CNDP1: variants seen among roughly 807,000 people sequenced by gnomAD.
CNDP1 encodes the protein carnosine dipeptidase 1.
In CNDP1, 44 loss-of-function variants were observed where a neutral mutation model predicts 58.1. The observed-to-expected ratio is 0.76, with a 90% CI of 0.60 to 0.97. CNDP1 has a LOEUF of 0.97. Ranked by LOEUF, CNDP1 falls within the 50% of genes least tolerant of loss-of-function variation. The pLI, the probability that CNDP1 is intolerant of heterozygous loss-of-function variation, is 0.00. For missense variants in CNDP1, 616 were observed against 655.1 expected, an observed-to-expected ratio of 0.94 and a Z score of 0.65; for synonymous variants, 254 against 252.6, an observed-to-expected ratio of 1.01 and a Z score of -0.05.
At chr18:74,562,580 C>T (rs1339738290) in intron 5 of CNDP1, among the ~76,000 whole-genome samples, 1 of 152,144 alleles carries the variant, frequency 6.6e-6, no homozygotes. Context: ...AATGTATCAG[C>T]TACTTTGCAA....
intron 1 of CNDP1, 126 bp downstream of exon 1, chr18:74,534,817 C>T (rs1269856576): frequency 1.0e-6 from 1 of 978,384 alleles, no homozygotes; most frequent in Non-Finnish European, 1.6e-6. Context: ...TGCTGCTCCT[C>T]ATGGTGTTCT....
intron 5 of CNDP1, among the ~76,000 whole-genome samples, chr18:74,563,708 A>G (rs1008838790): frequency 6.6e-6 from 1 of 152,040 alleles, no homozygotes; most frequent in African/African-American, 2.4e-5. Flanking sequence ...TGCCTTGCCT[A>G]CAGAGCTCTT....
chr18:74,553,244 G>C (rs1980954610), intron 1 of CNDP1, among the ~76,000 whole-genome samples: 1 of 152,052 alleles, frequency 6.6e-6, no homozygotes, highest in Non-Finnish European at 1.5e-5. Flanking sequence ...TCATTTTCTT[G>C]ATGGTGTTCT....
chr18:74,586,600 T>A lies in CNDP1; in HGVS notation c.*2038T>A, dbSNP rs1033585867. ...GACCAGCAGTGTCTCAATTATTACG[T>A]TGCTGCCAGGAGAGAAGGGGAGGAG... is the stretch of plus-strand genomic sequence containing the variant. On this transcript the variant is annotated 3_prime_UTR_variant, in exon 12 of 12. Transcript: ENST00000358821. 3 of 152,220 alleles carry A rather than the reference T, an allele frequency of 2.0e-5. No homozygotes were observed. The highest frequency in any genetic ancestry group is 2.9e-5 in the Non-Finnish European group (2 of 68,030). 9.4% of individuals were successfully genotyped at this position (152,220 alleles called of 1,614,324 possible).
chr18:74,549,466 G>A (rs1980842855), intron 1 of CNDP1, among the ~76,000 whole-genome samples: 1 of 151,788 alleles, frequency 6.6e-6, no homozygotes, highest in Non-Finnish European at 1.5e-5. Context: ...CTCAAAGAGT[G>A]AGTTTATATA....
intron 1 of CNDP1, among the ~76,000 whole-genome samples, chr18:74,555,980 A>G (rs733686): frequency 0.64 from 97,181 of 151,608 alleles, 31,991 homozygotes; most frequent in East Asian, 0.75. Context: ...TTTTGGTTCT[A>G]CCTTACTCTT....
rs1238453996 is a variant in CNDP1 at position 74,583,465 on chromosome 18, AAG to A, written c.1310-89_1310-88del. The A allele has an allele frequency of 4.1e-6, 4 of 981,420 alleles. No homozygotes were observed. In the African/African-American group the frequency reaches 4.8e-5, roughly 12 times the overall value. 60.8% of individuals were successfully genotyped at this position (981,420 alleles called of 1,614,324 possible). A position where few individuals can be genotyped will look rare whatever the true frequency, so the allele number is the denominator to read the frequency against. On this transcript the variant is annotated intron_variant, in intron 10 of 11. Transcript: ENST00000358821. ...AAAAAAAGAAAGATTAACAAGGAAA[AAG>A]AGAGAGGAAGGTAAAGGAGGCACTG...
intron 4 of CNDP1, among the ~76,000 whole-genome samples, chr18:74,561,781 C>T (rs1238082463): frequency 1.3e-5 from 2 of 152,152 alleles, no homozygotes; most frequent in Admixed American, 1.3e-4. Flanking sequence ...TTATTAAGGA[C>T]AATGGGATCT....
At chr18:74,569,386 T>A (rs1981412803) in intron 6 of CNDP1, among the ~76,000 whole-genome samples, 1 of 152,132 alleles carries the variant, frequency 6.6e-6, no homozygotes, top group African/African-American at 2.4e-5. Flanking sequence ...ATATGGCGTA[T>A]ATAGGAGAAA....
intron 1 of CNDP1, among the ~76,000 whole-genome samples, chr18:74,547,055 GC>G (rs1377552201): frequency 1.3e-5 from 2 of 152,188 alleles, no homozygotes; most frequent in Non-Finnish European, 1.5e-5. Context: ...GGGACTTGCC[GC>G]CACAGTGAGT....
intron 5 of CNDP1, 105 bp from the exon 6 acceptor site, chr18:74,567,128 A>C: frequency 2.0e-5 from 18 of 883,134 alleles, no homozygotes; most frequent in Non-Finnish European, 2.2e-5. Flanking sequence ...TCCCTCCACA[A>C]CACGTGGGAA....
Position 74,584,538 on chromosome 18 carries a change from C to G in CNDP1, c.1500C>G (p.Phe500Leu). The change falls in exon 12 of 12, where the codon TTC becomes TTG. Residue 500 changes from phenylalanine (F) to leucine (L), a missense_variant. By Grantham distance (22) the Phe-to-Leu change is conservative. Transcript: ENST00000358821. ...IEGTKLFAAFFLEMAQLH is the reference protein window; with the variant it reads ...IEGTKLFAAFLLEMAQLH ...GAACCAAATTATTTGCTGCCTTTTT[C>G]TTAGAGATGGCCCAGCTCCATTAAT... 1 of 1,613,812 alleles carries G rather than the reference C, an allele frequency of 6.2e-7. No individual in the cohort carries two copies. Among genetic ancestry groups the G allele is most frequent in the South Asian group, 1.1e-5 (1 of 91,068 alleles).
chr18:74,575,993 C>T (rs1263052528), intron 7 of CNDP1, among the ~76,000 whole-genome samples: 1 of 151,778 alleles, frequency 6.6e-6, no homozygotes, highest in Non-Finnish European at 1.5e-5. Flanking sequence ...CCTCAGCCTC[C>T]CCAGTAGCTG....
chr18:74,541,163 C>T (rs932733465), intron 1 of CNDP1, among the ~76,000 whole-genome samples: 3 of 152,198 alleles, frequency 2.0e-5, no homozygotes, highest in African/African-American at 7.2e-5. Context: ...AGCCATCACC[C>T]GCTGGGGGCT....
chr18:74,539,146 T>C (rs924221642), intron 1 of CNDP1, among the ~76,000 whole-genome samples: 1 of 149,552 alleles, frequency 6.7e-6, no homozygotes, highest in East Asian at 2.0e-4. Flanking sequence ...CTGCAAACAC[T>C]GTCTTCCTAC....
In CNDP1 at chr18:74,562,041, T is replaced by C; in HGVS notation, c.467-6T>C. 2 of 1,613,638 alleles carry C rather than the reference T, an allele frequency of 1.2e-6. No homozygotes were observed. Among genetic ancestry groups the C allele is most frequent in the South Asian group, 2.2e-5 (2 of 91,068 alleles). Reference sequence around the variant, plus strand: ...TTCTCTGAACATTCTTCTCCCCTTTTTAAAGGGAAACTTTATGGACGAGGA... The same window carrying C: ...TTCTCTGAACATTCTTCTCCCCTTTCTAAAGGGAAACTTTATGGACGAGGA... On this transcript the variant is annotated splice_region_variant and splice_polypyrimidine_tract_variant and intron_variant, in intron 4 of 11. Transcript: ENST00000358821.
rs184875313 is a variant in CNDP1, at chr18:74,561,936, A to G, written c.467-111A>G. ...TTCATGCAAGATTTGAGCCTGCAAT[A>G]TTATTATAGAAAGCACTGTTAACAT... On this transcript the variant is annotated intron_variant, in intron 4 of 11. Coordinates refer to ENST00000358821, the MANE Select transcript of CNDP1 (RefSeq NM_032649.6). The G allele has an allele frequency of 3.3e-3, 2,693 of 819,094 alleles. 9 individuals are homozygous for G. The highest frequency in any genetic ancestry group is 4.8e-3 in the Non-Finnish European group (2,351 of 493,968). The allele number at this position is 819,094 out of a possible 1,614,324, so 50.7% of individuals were successfully genotyped here. A position where few individuals can be genotyped will look rare whatever the true frequency, so the allele number is the denominator to read the frequency against.
intron 5 of CNDP1, among the ~76,000 whole-genome samples, chr18:74,566,355 G>T (rs879578876): frequency 6.6e-6 from 1 of 152,194 alleles, no homozygotes; most frequent in African/African-American, 2.4e-5. Flanking sequence ...CCCAGAAAAT[G>T]GGTTTTTCTT....
At chr18:74,570,243 A>ATT (rs1981444747) in intron 6 of CNDP1, among the ~76,000 whole-genome samples, 2 of 16,942 alleles carry the variant, frequency 1.2e-4, no homozygotes, top group South Asian at 2.4e-3. Flanking sequence ...ATAAATAATT[A>ATT]AAAAAAAAGA....
Sources: gnomAD v4.1 joint callset for allele counts (sites outside exome capture counted in the v4.1 genomes callset) on GRCh38, gnomAD v4.1.1 for gene constraint, MANE v1.5 for transcripts, NCBI Gene and HGNC (gene_info 2026-07-23, HGNC 2026-07-21) for gene names.